The following IL33 variants were observed in gnomAD, a reference collection of about 807,000 sequenced individuals.
IL33 encodes the protein interleukin-33.
In IL33, 37 loss-of-function variants were observed where a neutral mutation model predicts 27.3. That is an observed-to-expected ratio of 1.36 (90% CI 1.04 to 1.78). IL33 has a LOEUF of 1.78. Among genes scored for constraint, IL33 ranks in the 40% most tolerant of loss-of-function variants. IL33 has a pLI of 0.00. For synonymous variants in IL33, 132 were observed against 102.9 expected, an observed-to-expected ratio of 1.28 and a Z score of -1.71; for missense variants, 406 against 311.4, an observed-to-expected ratio of 1.30 and a Z score of -2.29.
intron 2 of IL33, among the ~76,000 whole-genome samples, chr9:6,249,623 C>T (rs1381510875): frequency 2.0e-5 from 3 of 151,946 alleles, no homozygotes; most frequent in Non-Finnish European, 4.4e-5. Flanking sequence ...TTGTTAGTCC[C>T]TCAAATTGTA....
rs1816822950 is a variant in IL33, at chr9:6,257,757, C to T, written c.*1589C>T. ...ATAAGATAAAAGAGGCTGAGAATTA[C>T]CATACAAGGGTATTACAACTGTAAA... On this transcript the variant is annotated 3_prime_UTR_variant, in exon 8 of 8. Transcript: ENST00000682010. The T allele has an allele frequency of 6.6e-6, 1 of 152,126 alleles. No homozygotes were observed. Among genetic ancestry groups the T allele is most frequent in the Non-Finnish European group, 1.5e-5 (1 of 68,000 alleles). 9.4% of individuals were successfully genotyped at this position (152,126 alleles called of 1,614,324 possible).
intron 2 of IL33, among the ~76,000 whole-genome samples, chr9:6,244,632 G>A (rs1587650576): frequency 6.6e-6 from 1 of 152,058 alleles, no homozygotes; most frequent in South Asian, 2.1e-4. Context: ...CACAGATGGG[G>A]GCAAGCAGGA....
chr9:6,250,482 C>A lies in IL33; in HGVS notation c.100C>A (p.Gln34Lys), dbSNP rs1156818622. 5 of 1,613,090 alleles carry A rather than the reference C, an allele frequency of 3.1e-6. No homozygotes were observed. Among genetic ancestry groups the A allele is most frequent in the East Asian group, 4.5e-5 (2 of 44,860 alleles). The part of the protein sequence containing the change: ...ALCFKLGKSQ[Q>K]KAKEVCPMYF... ...GTTTTTCAATTGTTTAGAATCCCAA[C>A]AGAAGGCCAAAGAAGTTTGCCCCAT... The change falls in exon 3 of 8, where the codon CAG (glutamine) becomes AAG (lysine). Residue 34 changes from glutamine (Q) to lysine (K), a missense_variant. Transcript: ENST00000682010.
chr9:6,253,551 G>C lies in IL33; in HGVS notation c.470-1G>C, dbSNP rs763378769. On this transcript the variant is annotated splice_acceptor_variant, in intron 5 of 7. Coordinates refer to ENST00000682010, the MANE Select transcript of IL33 (RefSeq NM_033439.4). LOFTEE classifies it high-confidence loss of function. ...GAGGGATTTTATGCATTCTCTTTCA[G>C]ATAAGGTGTTACTGAGTTACTATGA... 3.1e-6 allele frequency: 5 copies of C among 1,601,796 alleles called. No homozygotes were observed. Among genetic ancestry groups the C allele is most frequent in the Non-Finnish European group, 4.3e-6 (5 of 1,172,384 alleles).
At chr9:6,252,060 A>C (rs1816406273) in intron 4 of IL33, among the ~76,000 whole-genome samples, 1 of 121,884 alleles carries the variant, frequency 8.2e-6, no homozygotes, top group Non-Finnish European at 1.7e-5. Context: ...AACAAACAAA[A>C]AAAAACCCAA....
At chr9:6,250,333 T>G in intron 2 of IL33, 141 bp from the exon 3 acceptor site, 1 of 991,538 alleles carries the variant, frequency 1.0e-6, no homozygotes, top group Non-Finnish European at 1.4e-6. Context: ...AAACTCCGAA[T>G]TTTGAAACAC....
intron 2 of IL33, among the ~76,000 whole-genome samples, chr9:6,245,076 TCTC>T (rs1388331339): frequency 1.3e-5 from 2 of 152,132 alleles, no homozygotes; most frequent in East Asian, 3.9e-4. Flanking sequence ...GCTTTCCTCT[TCTC>T]CTACTTTCTT....
intron 2 of IL33, 64 bp downstream of exon 2, chr9:6,241,849 A>C: frequency 9.2e-7 from 1 of 1,085,480 alleles, no homozygotes; most frequent in South Asian, 1.5e-5. Flanking sequence ...AAATATTTAT[A>C]CTCCAATGTT....
In IL33 at chr9:6,255,991, G is replaced by T; in HGVS notation, c.636G>T (p.Leu212=). ...SVELHKCEKP[L]PDQAFFVLHN... ...AGCTCCATAAGTGTGAAAAACCACT[G>T]CCAGACCAGGCCTTCTTTGTCCTTC... The change falls in exon 8 of 8, where the codon CTG becomes CTT. Residue 212 remains leucine, a synonymous_variant. Transcript: ENST00000682010. 1 of 1,613,564 alleles carries T rather than the reference G, an allele frequency of 6.2e-7. No homozygotes were observed. Among genetic ancestry groups the T allele is most frequent in the Non-Finnish European group, 8.5e-7 (1 of 1,179,608 alleles).
chr9:6,247,015 T>C (rs1030104168), intron 2 of IL33, among the ~76,000 whole-genome samples: 1 of 152,068 alleles, frequency 6.6e-6, no homozygotes, highest in Non-Finnish European at 1.5e-5. Flanking sequence ...TGCTTCAAAG[T>C]AGCTGGGTCA....
chr9:6,223,108 TAAC>T (rs1188690476), intron 1 of IL33, among the ~76,000 whole-genome samples: 1 of 152,136 alleles, frequency 6.6e-6, no homozygotes, highest in Non-Finnish European at 1.5e-5. Flanking sequence ...CCCCCAGAGG[TAAC>T]AACCAAGAAT....
chr9:6,248,248 T>C (rs1196282687), intron 2 of IL33, among the ~76,000 whole-genome samples: 203 of 139,628 alleles, frequency 1.5e-3, no homozygotes, highest in African/African-American at 4.8e-3. Flanking sequence ...TTCTTTTTTT[T>C]TTTTTTTTTT....
rs557659307 is a variant in IL33 at position 6,257,148 on chromosome 9, A to C, written c.*980A>C. ...CAGTAACTGACTGTCCCTCATGTCC[A>C]TGGCCTACCATCCCTTCTGACCCTG... On this transcript the variant is annotated 3_prime_UTR_variant, in exon 8 of 8. Transcript: ENST00000682010. 1.3e-5 allele frequency: 2 copies of C among 152,296 alleles called. No individual in the cohort carries two copies. Among genetic ancestry groups the C allele is most frequent in the Admixed American group, 1.3e-4 (2 of 15,286 alleles). 9.4% of individuals were successfully genotyped at this position (152,296 alleles called of 1,614,324 possible).
intron 1 of IL33, among the ~76,000 whole-genome samples, chr9:6,235,462 A>G (rs1045779798): frequency 1.3e-4 from 20 of 152,336 alleles, no homozygotes; most frequent in African/African-American, 4.8e-4. Flanking sequence ...CTTGGAAGAG[A>G]AAAGGTATTT....
At chr9:6,255,437 G>T (rs1816668104) in intron 7 of IL33, among the ~76,000 whole-genome samples, 1 of 151,916 alleles carries the variant, frequency 6.6e-6, no homozygotes, top group African/African-American at 2.4e-5. Context: ...CAAGCACTGG[G>T]CTAAATGTTT....
intron 1 of IL33, among the ~76,000 whole-genome samples, chr9:6,216,761 T>G (rs1398297074): frequency 6.6e-6 from 1 of 152,032 alleles, no homozygotes; most frequent in East Asian, 1.9e-4. Context: ...AAAAAAATGA[T>G]GGAAACTTTG....
At chr9:6,249,760 G>A (rs1448158022) in intron 2 of IL33, among the ~76,000 whole-genome samples, 1 of 152,166 alleles carries the variant, frequency 6.6e-6, no homozygotes, top group Non-Finnish European at 1.5e-5. Context: ...ACTCCTGAGA[G>A]CCTCAGATTA....
chr9:6,241,539 G>C (rs1373750077), intron 1 of IL33, 145 bp from the exon 2 acceptor site: 2 of 538,050 alleles, frequency 3.7e-6, no homozygotes, highest in Non-Finnish European at 6.8e-6. Context: ...TGAATGCATA[G>C]TTAGAATACT....
At chr9:6,233,237 C>T (rs1025279623) in intron 1 of IL33, among the ~76,000 whole-genome samples, 1 of 152,132 alleles carries the variant, frequency 6.6e-6, no homozygotes, top group African/African-American at 2.4e-5. Context: ...AACTTCAAAC[C>T]AATGCTTATT....
Sources: gnomAD v4.1 joint callset for allele counts (sites outside exome capture counted in the v4.1 genomes callset) on GRCh38, gnomAD v4.1.1 for gene constraint, MANE v1.5 for transcripts, NCBI Gene and HGNC (gene_info 2026-07-23, HGNC 2026-07-21) for gene names.